KIAA1210: variants seen among roughly 807,000 people sequenced by gnomAD.
KIAA1210 encodes the protein acrosomal protein KIAA1210.
In KIAA1210, 48 loss-of-function variants were observed where a neutral mutation model predicts 78.9. The observed-to-expected ratio is 0.61, with a 90% CI of 0.48 to 0.77. The LOEUF is 0.77. KIAA1210 is among the 30% of genes least tolerant of loss of function. The pLI, the probability that KIAA1210 is intolerant of heterozygous loss-of-function variation, is 0.00. For synonymous variants in KIAA1210, 406 were observed against 404.5 expected (o/e 1.00, Z -0.04); for missense variants, 1,108 against 1,100.0 (o/e 1.01, Z -0.10).
At chrX:119,110,050 C>T (rs947526696) in intron 3 of KIAA1210, among the ~76,000 whole-genome samples, 2 of 111,665 alleles carry the variant, frequency 1.8e-5, no homozygotes, top group Non-Finnish European at 3.8e-5. Flanking sequence ...AAAATTTCAA[C>T]CAAAGACATC....
chrX:119,138,686 CTCT>C (rs1230190682), intron 2 of KIAA1210, among the ~76,000 whole-genome samples: 1 of 111,658 alleles, frequency 9.0e-6, no homozygotes, highest in African/African-American at 3.3e-5. Flanking sequence ...TGTGCCCAGG[CTCT>C]TCTTCCTAGA....
intron 3 of KIAA1210, among the ~76,000 whole-genome samples, chrX:119,109,541 A>G (rs181014020): frequency 6.5e-4 from 73 of 112,178 alleles, no homozygotes; most frequent in African/African-American, 1.7e-3. Flanking sequence ...TTTAATTTTT[A>G]CATTATGAGC....
intron 2 of KIAA1210, among the ~76,000 whole-genome samples, chrX:119,132,841 G>T (rs184971409): frequency 2.0e-3 from 220 of 111,525 alleles, no homozygotes; most frequent in Middle Eastern, 9.2e-3. Flanking sequence ...TTGCTATGTT[G>T]CCCAGGCTGG....
chrX:119,128,929 C>T (rs1359589660), upstream of KIAA1210, among the ~76,000 whole-genome samples: 1 of 112,146 alleles, frequency 8.9e-6, no homozygotes, highest in Admixed American at 9.4e-5. Context: ...CCCACCTCGG[C>T]CCCCCAAAGT....
At chrX:119,150,713 G>T, upstream of KIAA1210, 1 of 690,589 alleles carries the variant, frequency 1.4e-6, no homozygotes, top group Non-Finnish European at 2.2e-6. Flanking sequence ...TCCCAGGAGG[G>T]CACCGCCCCC....
intron 2 of KIAA1210, among the ~76,000 whole-genome samples, chrX:119,122,270 G>A (rs760540501): frequency 2.8e-5 from 3 of 108,419 alleles, no homozygotes; most frequent in Non-Finnish European, 5.7e-5. Context: ...GGGTTTCACC[G>A]TGTTGACCAG....
intron 2 of KIAA1210, among the ~76,000 whole-genome samples, chrX:119,122,041 C>T (rs867686418): frequency 2.0e-4 from 20 of 101,124 alleles, no homozygotes; most frequent in African/African-American, 6.9e-4. Flanking sequence ...GGATTACAGG[C>T]GTGAGCCAGC....
rs112075164 is a variant in KIAA1210, at chrX:119,108,421, T to C, written c.408A>G (p.Gly136=). ...CTCCTGACATGGCTCCAGACACAACTCCAGGAACCTTACTCCTAGGTTTAG... is the reference window on the plus strand; with the variant it reads ...CTCCTGACATGGCTCCAGACACAACCCCAGGAACCTTACTCCTAGGTTTAG... ...TLPKPRSKVP[G]VVSGAMSGAV... The change falls in exon 5 of 12, where the codon GGA becomes GGG. Residue 136 remains glycine (G), a synonymous_variant. Coordinates refer to ENST00000691062, the MANE Select transcript of KIAA1210 (RefSeq NM_001394962.1). 8.3e-7 allele frequency: 1 copy of C among 1,210,168 alleles called. No homozygotes were observed. The highest frequency in any genetic ancestry group is 1.1e-6 in the Non-Finnish European group (1 of 894,467).
intron 3 of KIAA1210, among the ~76,000 whole-genome samples, chrX:119,110,192 G>A (rs901345876): frequency 8.9e-6 from 1 of 112,145 alleles, no homozygotes; most frequent in Non-Finnish European, 1.9e-5. Context: ...GATTTACAAG[G>A]AATGATTGGC....
exon 2 of KIAA1210, chrX:119,147,546 C>A (rs745768812): frequency 1.7e-6 from 2 of 1,210,224 alleles, no homozygotes; most frequent in Non-Finnish European, 2.2e-6. Context: ...CTGGCCAGAT[C>A]CCCAAGATTA....
At chrX:119,112,090 G>A (rs1221684650) in intron 3 of KIAA1210, among the ~76,000 whole-genome samples, 1 of 110,914 alleles carries the variant, frequency 9.0e-6, no homozygotes, top group Non-Finnish European at 1.9e-5. Context: ...GCTTAAAAGT[G>A]TGTGGCATCC....
chrX:119,133,670 T>C (rs1457445424), intron 2 of KIAA1210, among the ~76,000 whole-genome samples: 2 of 106,580 alleles, frequency 1.9e-5, no homozygotes, highest in Non-Finnish European at 3.8e-5. Context: ...TTCTTTTCTT[T>C]CTTTTTTTTT....
chrX:119,100,328 TAAAAAAA>T (rs35969490), intron 6 of KIAA1210, among the ~76,000 whole-genome samples: 2 of 46,533 alleles, frequency 4.3e-5, no homozygotes, highest in Admixed American at 6.1e-4. Flanking sequence ...AGACTGTCTT[TAAAAAAA>T]AAAAAAAAAA....
intron 3 of KIAA1210, among the ~76,000 whole-genome samples, chrX:119,115,221 A>G (rs1263902391): frequency 1.8e-5 from 2 of 110,755 alleles, no homozygotes; most frequent in Non-Finnish European, 3.8e-5. Context: ...CTTGCACACA[A>G]AAAAATCCCC....
chrX:119,086,851 T>C lies in KIAA1210; in HGVS notation c.3851A>G (p.Asn1284Ser). ...KEDLESGDGN[N>S]NQHANLSNQD... ...ATTGGATAGGTTTGCATGCTGGTTA[T>C]TATTACCATCACCACTCTCAAGATC... The change falls in exon 9 of 12, where the codon AAT (asparagine) becomes AGT (serine). Residue 1284 changes from asparagine to serine, a missense_variant. Physicochemically the swap from Asn to Ser is conservative, Grantham distance 46. Around this residue, in one of 5 missense-constraint regions of KIAA1210, gnomAD observed 245 missense variants for 278.8 expected, o/e 0.88. Coordinates refer to ENST00000691062, the MANE Select transcript of KIAA1210 (RefSeq NM_001394962.1). 1 of 1,211,752 alleles carries C rather than the reference T, an allele frequency of 8.3e-7. No homozygotes were observed. The highest frequency in any genetic ancestry group is 1.7e-5 in the African/African-American group (1 of 57,842).
At chrX:119,121,813 G>A (rs1340803818) in intron 2 of KIAA1210, among the ~76,000 whole-genome samples, 1 of 109,172 alleles carries the variant, frequency 9.2e-6, no homozygotes, top group Non-Finnish European at 1.9e-5. Context: ...CTGTCACCCA[G>A]GCTAGAGTGC....
At chrX:119,130,319 G>T (rs1008647572), upstream of KIAA1210, among the ~76,000 whole-genome samples, 1 of 112,455 alleles carries the variant, frequency 8.9e-6, no homozygotes, top group African/African-American at 3.2e-5. Context: ...GTTCCACACA[G>T]GTTGTGCACT....
intron 3 of KIAA1210, among the ~76,000 whole-genome samples, chrX:119,112,715 A>G (rs992338571): frequency 1.8e-5 from 2 of 111,877 alleles, no homozygotes; most frequent in African/African-American, 3.3e-5. Context: ...GAACACCCAT[A>G]CACTGCTGGT....
intron 1 of KIAA1210, among the ~76,000 whole-genome samples, chrX:119,149,715 T>C (rs1929248163): frequency 8.9e-6 from 1 of 112,239 alleles, no homozygotes; most frequent in African/African-American, 3.2e-5. Context: ...GGACACATAA[T>C]AAGAATATAC....
Sources: allele counts gnomAD v4.1 joint callset (sites outside exome capture counted in the v4.1 genomes callset), GRCh38; gene constraint gnomAD v4.1.1; regional missense constraint gnomAD v4.1.1; transcripts MANE v1.5; gene names NCBI Gene and HGNC (gene_info 2026-07-23, HGNC 2026-07-21).